The following KIAA0319 variants were observed in gnomAD, a reference collection of about 807,000 sequenced individuals.
The protein encoded by KIAA0319 is dyslexia-associated protein KIAA0319.
Under a neutral mutation model 108.4 loss-of-function variants are expected in KIAA0319, and 83 were observed. The ratio of observed to expected loss-of-function variants is 0.77; its 90% CI spans 0.64 to 0.92. The LOEUF (loss-of-function observed/expected upper bound fraction) is 0.92, where lower values mean the gene tolerates loss of function less well. KIAA0319 is among the 40% of genes least tolerant of loss of function. The pLI, the probability that KIAA0319 is intolerant of heterozygous loss-of-function variation, is 0.00. For missense variants in KIAA0319, 1,195 were observed against 1,322.4 expected (o/e 0.90, Z 1.49); for synonymous variants, 484 against 510.4 (o/e 0.95, Z 0.70).
chr6:24,643,365 GACTTTGACACTAC>G (rs1423181922), intron 1 of KIAA0319, among the ~76,000 whole-genome samples: 10 of 152,092 alleles, frequency 6.6e-5, no homozygotes, highest in Admixed American at 5.9e-4. Flanking sequence ...TAAAAGCCCA[GACTTTGACACTAC>G]ACAATATATC....
At chr6:24,606,366 C>A (rs1185543821) in intron 1 of KIAA0319, among the ~76,000 whole-genome samples, 2 of 152,160 alleles carry the variant, frequency 1.3e-5, no homozygotes, top group African/African-American at 2.4e-5. Flanking sequence ...GAATTCTTTC[C>A]CTTCTTTGGG....
intron 14 of KIAA0319, 97 bp from the exon 15 acceptor site, chr6:24,564,437 C>T (rs1763610402): frequency 1.3e-6 from 2 of 1,492,468 alleles, no homozygotes; most frequent in Admixed American, 3.5e-5. Flanking sequence ...ATCTTTTTAA[C>T]ACAGGCGTGA....
intron 4 of KIAA0319, among the ~76,000 whole-genome samples, chr6:24,585,552 T>C (rs1471779565): frequency 6.6e-6 from 1 of 152,134 alleles, no homozygotes; most frequent in South Asian, 2.1e-4. Flanking sequence ...CTCTGCCCTA[T>C]TGTTTATGAA....
intron 7 of KIAA0319, 128 bp downstream of exon 7, chr6:24,580,798 C>T: frequency 1.5e-6 from 1 of 661,982 alleles, no homozygotes. Context: ...GTTTTCTCTA[C>T]AATGGAGCCT....
At chr6:24,588,927 A>G (rs2127502443) in intron 3 of KIAA0319, 142 bp from the exon 4 acceptor site, 1 of 678,634 alleles carries the variant, frequency 1.5e-6, no homozygotes, top group Non-Finnish European at 2.5e-6. Context: ...AAACTCTGGA[A>G]CTCTAGACCA....
intron 1 of KIAA0319, among the ~76,000 whole-genome samples, chr6:24,631,877 C>T (rs6923845): frequency 0.7 from 106,917 of 151,800 alleles, 38,214 homozygotes; most frequent in East Asian, 0.87. Flanking sequence ...GCCAGGGCTC[C>T]GTCCTCTCCA....
intron 6 of KIAA0319, among the ~76,000 whole-genome samples, chr6:24,581,447 A>G (rs961557098): frequency 4.6e-5 from 7 of 152,188 alleles, no homozygotes; most frequent in Non-Finnish European, 8.8e-5. Context: ...TGAAGTCAAC[A>G]TAATCATCTG....
chr6:24,612,774 G>T (rs1014294213), intron 1 of KIAA0319, among the ~76,000 whole-genome samples: 2 of 152,068 alleles, frequency 1.3e-5, no homozygotes, highest in Non-Finnish European at 2.9e-5. Context: ...GCTGATGAGG[G>T]GAGAGAGGGC....
chr6:24,593,090 T>C (rs1768769799), intron 3 of KIAA0319, among the ~76,000 whole-genome samples: 1 of 152,242 alleles, frequency 6.6e-6, no homozygotes, highest in Admixed American at 6.5e-5. Context: ...CTGTAAGTTA[T>C]AGGTCATAAA....
chr6:24,566,579 T>C lies in KIAA0319; in HGVS notation c.2292+18A>G, dbSNP rs1212897906. 1.3e-6 allele frequency: 2 copies of C among 1,590,686 alleles called. No individual in the cohort carries two copies. The highest frequency in any genetic ancestry group is 1.7e-6 in the Non-Finnish European group (2 of 1,169,844). ...GTAATGATAAGTGGTCTAGGAGCAA[T>C]TCTCTCTCAGTACTCACTCCAGCTG... is the stretch of plus-strand genomic sequence containing the variant. On this transcript the variant is annotated intron_variant, in intron 14 of 20. Transcript: ENST00000378214.
rs771531196 is a variant in KIAA0319 at position 24,572,634 on chromosome 6, T to C, written c.1799A>G (p.Lys600Arg). The stretch of plus-strand genomic sequence containing the variant: ...CTGTTGCCTTGAAGAATCTGTCACC[T>C]TCAGCTGAAATGTATAATCTCCTTC... ...MQEGDYTFQLKVTDSSRQQST... is the reference protein window; with the variant it reads ...MQEGDYTFQLRVTDSSRQQST... Residue 600 changes from lysine (K) to arginine (R), a missense_variant, in exon 11 of 21, where the codon AAG becomes AGG. Physicochemically the swap from Lys to Arg is conservative, Grantham distance 26 (BLOSUM62 2). Transcript: ENST00000378214. 2 of 1,614,056 alleles carry C rather than the reference T, an allele frequency of 1.2e-6. No homozygotes were observed. Among genetic ancestry groups the C allele is most frequent in the Non-Finnish European group, 8.5e-7 (1 of 1,179,966 alleles).
rs893099406 is a variant in KIAA0319, at chr6:24,544,205, A to G, written c.*2960T>C. On this transcript the variant is annotated 3_prime_UTR_variant, in exon 21 of 21. Coordinates refer to ENST00000378214, the MANE Select transcript of KIAA0319 (RefSeq NM_014809.4). ...TTTATTTTTAACCATTTGAAAACAT[A>G]AGACCCACTTTTCGGCTCATGGGGC... 9 of 152,226 alleles carry G rather than the reference A, an allele frequency of 5.9e-5. No individual in the cohort carries two copies. Among genetic ancestry groups the G allele is most frequent in the African/African-American group, 1.9e-4 (8 of 41,456 alleles). The allele number at this position is 152,226 out of a possible 1,614,324, so 9.4% of individuals were successfully genotyped here. A position where few individuals can be genotyped will look rare whatever the true frequency, so the allele number is the denominator to read the frequency against.
Position 24,596,524 on chromosome 6 carries a change from G to C in KIAA0319, c.150C>G (p.His50Gln), listed in dbSNP as rs764963803. The C allele has an allele frequency of 3.7e-6, 6 of 1,614,006 alleles. 1 individual carries two copies. The highest frequency in any genetic ancestry group is 5.1e-6 in the Non-Finnish European group (6 of 1,180,048). Residue 50 changes from histidine to glutamine, a missense_variant, in exon 3 of 21, where the codon CAC becomes CAG. His to Gln is a conservative substitution (Grantham distance 24). Transcript: ENST00000378214. ...CCGTGCAGTCTACGACAGGGAAGGT[G>C]TGAGACACCCGCATGATTCTGGTGG... ...LETTRIMRVS[H>Q]TFPVVDCTAA...
chr6:24,609,281 A>AC (rs1276962151), intron 1 of KIAA0319, among the ~76,000 whole-genome samples: 2 of 148,866 alleles, frequency 1.3e-5, no homozygotes, highest in East Asian at 2.0e-4. Context: ...AACAAAAAAA[A>AC]AAAAAAAAGA....
intron 10 of KIAA0319, among the ~76,000 whole-genome samples, chr6:24,574,075 A>T (rs1002492170): frequency 6.6e-6 from 1 of 152,118 alleles, no homozygotes; most frequent in Non-Finnish European, 1.5e-5. Flanking sequence ...AGATGGTGCC[A>T]CTGCACTCCA....
At chr6:24,557,317 T>C (rs2744540) in intron 17 of KIAA0319, among the ~76,000 whole-genome samples, 44,583 of 151,830 alleles carry the variant, frequency 0.29, 7,853 homozygotes, top group African/African-American at 0.5. Flanking sequence ...GCCTGGCCAA[T>C]ATAGCGAAAC....
chr6:24,598,469 T>C, intron 2 of KIAA0319: 1 of 513,556 alleles, frequency 1.9e-6, no homozygotes. Context: ...TACATCAACC[T>C]ATGGCAGCAG....
intron 1 of KIAA0319, among the ~76,000 whole-genome samples, chr6:24,640,679 G>T (rs1776798599): frequency 6.6e-6 from 1 of 151,982 alleles, no homozygotes. Flanking sequence ...TTGAGACAGG[G>T]TCTTGTTCTG....
chr6:24,603,435 A>G (rs1286648123), intron 1 of KIAA0319, among the ~76,000 whole-genome samples: 1 of 152,196 alleles, frequency 6.6e-6, no homozygotes, highest in Non-Finnish European at 1.5e-5. Context: ...AAGGTTTCCT[A>G]ATGTGGTGTC....
Sources: allele counts gnomAD v4.1 joint callset (sites outside exome capture counted in the v4.1 genomes callset), GRCh38; gene constraint gnomAD v4.1.1; transcripts MANE v1.5; gene names NCBI Gene and HGNC (gene_info 2026-07-23, HGNC 2026-07-21).